The following PSMD14 variants were observed in gnomAD, a reference collection of about 807,000 sequenced individuals.
PSMD14 encodes the protein proteasome 26S subunit, non-ATPase 14.
Under a neutral mutation model 41.2 loss-of-function variants are expected in PSMD14, and 7 were observed. The observed-to-expected ratio is 0.17, with a 90% CI of 0.10 to 0.32. PSMD14 has a LOEUF of 0.32. Among genes scored for constraint, PSMD14 ranks in the 10% least tolerant of loss-of-function variants. The pLI is 1.00. For missense variants in PSMD14, 139 were observed against 375.6 expected (o/e 0.37, Z 5.21); for synonymous variants, 114 against 122.3 (o/e 0.93, Z 0.45).
chr2:161,372,480 G>T (rs1197147237), intron 7 of PSMD14, among the ~76,000 whole-genome samples: 1 of 151,768 alleles, frequency 6.6e-6, no homozygotes, highest in Non-Finnish European at 1.5e-5. Flanking sequence ...AAAAATTGAG[G>T]TCTTCTCTAA....
chr2:161,325,158 G>T (rs1682675200), intron 3 of PSMD14, among the ~76,000 whole-genome samples: 1 of 152,086 alleles, frequency 6.6e-6, no homozygotes, highest in South Asian at 2.1e-4. Context: ...GGTATATAAT[G>T]CCTGTAAGTT....
Position 161,389,889 on chromosome 2 carries a change from G to GTTGTTTTTTTTTTTGTTTTTTT in PSMD14, c.571-1213_571-1212insGTTTTTTTTTTTGTTTTTTTTT. Reference sequence around the variant, plus strand: ...TGTCTTATTTTCTTTCTTTTTTGTTGTTTTTTTTTTTTTTTTTTTTTTTAG... The same window carrying GTTGTTTTTTTTTTTGTTTTTTT: ...TGTCTTATTTTCTTTCTTTTTTGTTGTTGTTTTTTTTTTTGTTTTTTTTTTTTTTTTTTTTTTTTTTTTTTAG... On this transcript the variant is annotated intron_variant, in intron 8 of 11. Transcript: ENST00000409682. Among the ~76,000 whole-genome samples the GTTGTTTTTTTTTTTGTTTTTTT allele has an allele frequency of 2.5e-4, 5 of 20,052 alleles. 1 individual carries two copies. In the East Asian group the frequency reaches 0.011, roughly 44 times the overall value. The allele number at this position is 20,052 out of a possible 152,430, so 13.2% of individuals were successfully genotyped here. A position where few individuals can be genotyped will look rare whatever the true frequency, so the allele number is the denominator to read the frequency against.
chr2:161,335,308 C>T (rs1224671666), intron 3 of PSMD14, among the ~76,000 whole-genome samples: 1 of 152,168 alleles, frequency 6.6e-6, no homozygotes, highest in African/African-American at 2.4e-5. Context: ...GTGGAACTTT[C>T]TGTGGGTTGG....
In PSMD14 at chr2:161,326,525, C is replaced by T. The variant is rs544963782; in HGVS notation, c.48+7652C>T. Among the ~76,000 whole-genome samples the T allele has an allele frequency of 9.2e-5, 14 of 152,152 alleles. No individual in the cohort carries two copies. In the South Asian group the frequency reaches 1.9e-3, roughly 20 times the overall value. Reference sequence around the variant, plus strand: ...CTTAAATGATTAAACATAGGATTACCGTATAATCCAGCAATTCAGCTTCTG... The same window carrying T: ...CTTAAATGATTAAACATAGGATTACTGTATAATCCAGCAATTCAGCTTCTG... On this transcript the variant is annotated intron_variant, in intron 3 of 11. Coordinates refer to ENST00000409682, the MANE Select transcript of PSMD14 (RefSeq NM_005805.6).
intron 10 of PSMD14, among the ~76,000 whole-genome samples, chr2:161,397,691 CTT>C (rs1683821076): frequency 6.6e-6 from 1 of 152,044 alleles, no homozygotes; most frequent in Admixed American, 6.6e-5. Context: ...AGCAATAAGA[CTT>C]TTGAGAGAAC....
At chr2:161,406,584 G>A (rs1008610811) in intron 10 of PSMD14, among the ~76,000 whole-genome samples, 4 of 152,186 alleles carry the variant, frequency 2.6e-5, no homozygotes, top group African/African-American at 4.8e-5. Context: ...GATGGTAGAT[G>A]AGATACAGGT....
intron 3 of PSMD14, among the ~76,000 whole-genome samples, chr2:161,334,709 T>A (rs1240741982): frequency 6.6e-6 from 1 of 152,242 alleles, no homozygotes. Context: ...TTTTTCATGC[T>A]CTTTAAGTAT....
intron 10 of PSMD14, among the ~76,000 whole-genome samples, chr2:161,400,412 T>G (rs1374400801): frequency 6.6e-6 from 1 of 152,166 alleles, no homozygotes; most frequent in African/African-American, 2.4e-5. Context: ...GCACTCCTGA[T>G]TACAACCGGC....
chr2:161,402,583 A>G (rs1177519871), intron 10 of PSMD14, among the ~76,000 whole-genome samples: 1 of 152,096 alleles, frequency 6.6e-6, no homozygotes, highest in African/African-American at 2.4e-5. Context: ...CAAGGCTGCA[A>G]TGAACCGTGA....
At chr2:161,397,651 A>G (rs1350540162) in intron 10 of PSMD14, among the ~76,000 whole-genome samples, 1 of 152,188 alleles carries the variant, frequency 6.6e-6, no homozygotes, top group South Asian at 2.1e-4. Flanking sequence ...TATTTTATCC[A>G]AGAGACAGTG....
intron 3 of PSMD14, among the ~76,000 whole-genome samples, chr2:161,363,346 A>G (rs941760113): frequency 2.0e-4 from 31 of 152,196 alleles, no homozygotes; most frequent in African/African-American, 7.5e-4. Flanking sequence ...CTAACTTTTT[A>G]CTGTACATTT....
intron 3 of PSMD14, among the ~76,000 whole-genome samples, chr2:161,342,597 G>C (rs1682982703): frequency 6.6e-6 from 1 of 151,366 alleles, no homozygotes. Context: ...CGTGTAGTTA[G>C]ATTTTGAGAT....
intron 3 of PSMD14, among the ~76,000 whole-genome samples, chr2:161,338,188 C>T (rs750387361): frequency 2.0e-5 from 3 of 152,074 alleles, no homozygotes; most frequent in Non-Finnish European, 2.9e-5. Flanking sequence ...TTCTTTTTTG[C>T]CTAGAATTTC....
intron 7 of PSMD14, among the ~76,000 whole-genome samples, chr2:161,378,439 A>G (rs1683531355): frequency 6.6e-6 from 1 of 151,994 alleles, no homozygotes; most frequent in African/African-American, 2.4e-5. Context: ...TTTTCCTTTA[A>G]GGAAAAATAA....
chr2:161,369,267 G>A (rs1683400652), intron 5 of PSMD14, among the ~76,000 whole-genome samples: 1 of 151,830 alleles, frequency 6.6e-6, no homozygotes, highest in Non-Finnish European at 1.5e-5. Context: ...CTATTTTCTA[G>A]TGTCATAGAA....
intron 1 of PSMD14, among the ~76,000 whole-genome samples, chr2:161,315,686 T>C (rs765172532): frequency 6.6e-6 from 1 of 152,120 alleles, no homozygotes; most frequent in Non-Finnish European, 1.5e-5. Context: ...CCTCCTAGTA[T>C]GATAAAATAG....
intron 7 of PSMD14, among the ~76,000 whole-genome samples, chr2:161,374,508 A>G (rs1559049910): frequency 6.6e-6 from 1 of 151,976 alleles, no homozygotes; most frequent in Non-Finnish European, 1.5e-5. Flanking sequence ...TACAGGTGAA[A>G]ATCAATGGTA....
At chr2:161,398,673 T>G (rs1683835754) in intron 10 of PSMD14, among the ~76,000 whole-genome samples, 2 of 152,054 alleles carry the variant, frequency 1.3e-5, no homozygotes, top group African/African-American at 4.8e-5. Flanking sequence ...CATGTAGTGC[T>G]ATAAATTTGG....
Position 161,411,308 on chromosome 2 carries a change from A to C in PSMD14, c.841A>C (p.Lys281Gln). 1.2e-6 allele frequency: 2 copies of C among 1,605,454 alleles called. No homozygotes were observed. The highest frequency in any genetic ancestry group is 1.7e-6 in the Non-Finnish European group (2 of 1,175,514). The change falls in exon 12 of 12, where the codon AAA becomes CAA. Residue 281 changes from lysine to glutamine, a missense_variant. Coordinates refer to ENST00000409682, the MANE Select transcript of PSMD14 (RefSeq NM_005805.6). The stretch of plus-strand genomic sequence containing the variant: ...CTCATTTTTGTTCTTTTAGGACCCC[A>C]AACGTCATTTGGAGGAACATGTGGA... ...AIKNVGKQDP[K>Q]RHLEEHVDVL...
Sources: allele counts gnomAD v4.1 joint callset (sites outside exome capture counted in the v4.1 genomes callset), GRCh38; gene constraint gnomAD v4.1.1; transcripts MANE v1.5; gene names NCBI Gene and HGNC (gene_info 2026-07-23, HGNC 2026-07-21).